The following XPNPEP2 variants were observed in gnomAD, a reference collection of about 807,000 sequenced individuals.
XPNPEP2 encodes xaa-Pro aminopeptidase 2.
Under a neutral mutation model 59.8 loss-of-function variants are expected in XPNPEP2, and 64 were observed. The observed-to-expected ratio is 1.07, with a 90% CI of 0.87 to 1.32. XPNPEP2 has a LOEUF of 1.32. Ranked by LOEUF, XPNPEP2 falls within the 40% of genes most tolerant of loss-of-function variation. The pLI is 0.00. For missense variants in XPNPEP2, 575 were observed against 546.8 expected, an observed-to-expected ratio of 1.05 and a Z score of -0.51; for synonymous variants, 235 against 210.0, an observed-to-expected ratio of 1.12 and a Z score of -1.03.
At chrX:129,742,979 C>T (rs1408706340) in intron 2 of XPNPEP2, among the ~76,000 whole-genome samples, 3 of 111,664 alleles carry the variant, frequency 2.7e-5, no homozygotes, top group Non-Finnish European at 3.8e-5. Flanking sequence ...GGTGTGCAGA[C>T]GAGGAAAAGG....
intron 19 of XPNPEP2, among the ~76,000 whole-genome samples, chrX:129,766,512 C>CTT (rs1199540070): frequency 4.9e-5 from 5 of 103,017 alleles, no homozygotes; most frequent in African/African-American, 1.0e-4. Flanking sequence ...CACCTGGCCT[C>CTT]TTTTTTTTTT....
chrX:129,747,701 G>T lies in XPNPEP2; in HGVS notation c.585G>T (p.Glu195Asp). The change falls in exon 7 of 21, where the codon GAG becomes GAT. Residue 195 changes from glutamate (E) to aspartate (D), a missense_variant. By Grantham distance (45) the Glu-to-Asp change is conservative. Transcript: ENST00000371106. ...TNLVDLVWGS[E>D]RPPVPNQPIY... is the part of the protein sequence containing the mutation. ...TTGTGGACCTGGTATGGGGATCAGA[G>T]AGGCCACCGGTTCCAAATCAACCCA... 1 of 1,212,066 alleles carries T rather than the reference G, an allele frequency of 8.3e-7. No homozygotes were observed. The highest frequency in any genetic ancestry group is 2.2e-5 in the Admixed American group (1 of 46,100).
At chrX:129,742,287 C>T (rs1926206557) in intron 2 of XPNPEP2, 106 bp downstream of exon 2, 1 of 421,484 alleles carries the variant, frequency 2.4e-6, no homozygotes, top group Non-Finnish European at 4.1e-6. Context: ...GCTCTATCAT[C>T]TTCTCTATCC....
At position 129,747,736 on chromosome X, in the gene XPNPEP2, T is replaced by G. The variant is rs1926327681; in HGVS notation, c.620T>G (p.Leu207Arg). The stretch of plus-strand genomic sequence containing the variant: ...GTTCCAAATCAACCCATTTATGCCC[T>G]GCAGGAGGCATTCACAGGTGATTCA... ...PPVPNQPIYALQEAFTGSTWQ... is the reference protein window; with the variant it reads ...PPVPNQPIYARQEAFTGSTWQ... Residue 207 changes from leucine (L) to arginine (R), a missense_variant, in exon 7 of 21, where the codon CTG becomes CGG. Coordinates refer to ENST00000371106, the MANE Select transcript of XPNPEP2 (RefSeq NM_003399.6). 8.2e-7 allele frequency: 1 copy of G among 1,212,174 alleles called. No individual in the cohort carries two copies. The highest frequency in any genetic ancestry group is 1.1e-6 in the Non-Finnish European group (1 of 895,621).
intron 13 of XPNPEP2, among the ~76,000 whole-genome samples, chrX:129,756,101 G>A (rs73563563): frequency 0.025 from 2,810 of 112,520 alleles, 108 homozygotes; most frequent in African/African-American, 0.085. Context: ...GAGCATCTGG[G>A]TAGAGGCCCA....
intron 6 of XPNPEP2, 69 bp from the exon 7 acceptor site, chrX:129,747,538 G>A (rs73225586): frequency 0.04 from 47,121 of 1,182,353 alleles, 796 homozygotes; most frequent in Admixed American, 0.11. Context: ...GACTAACTTT[G>A]CCTGAATCAC....
chrX:129,751,546 GAAA>G (rs1926400704), intron 8 of XPNPEP2, among the ~76,000 whole-genome samples, 196 bp from the exon 9 acceptor site: 1 of 36,373 alleles, frequency 2.7e-5, no homozygotes, highest in Non-Finnish European at 4.8e-5. Flanking sequence ...AAGAAAGAAA[GAAA>G]GAAAGAAAGA....
chrX:129,742,246 A>G lies in XPNPEP2; in HGVS notation c.123+65A>G, dbSNP rs768309626. ...CCACGCACCCCCCCACCCCTGCCCCACGCACCCCTGCACCGCAGCACCCCC... is the reference window on the plus strand; with the variant it reads ...CCACGCACCCCCCCACCCCTGCCCCGCGCACCCCTGCACCGCAGCACCCCC... On this transcript the variant is annotated intron_variant, in intron 2 of 20. Coordinates refer to ENST00000371106, the MANE Select transcript of XPNPEP2 (RefSeq NM_003399.6). The G allele has an allele frequency of 6.0e-3, 2,866 of 480,837 alleles. 73 individuals are homozygous for G. The African/African-American group carries it at 0.097, about 16-fold the overall frequency. The allele number at this position is 480,837 out of a possible 1,213,427, so 39.6% of individuals were successfully genotyped here. A position where few individuals can be genotyped will look rare whatever the true frequency, so the allele number is the denominator to read the frequency against.
rs1320412013 is a variant in XPNPEP2, at chrX:129,751,080, C to T, written c.739+511C>T. Among the ~76,000 whole-genome samples the T allele has an allele frequency of 4.9e-5, 5 of 102,360 alleles. No homozygotes were observed. The East Asian group carries it at 1.2e-3, about 25-fold the overall frequency. 88.9% of individuals were successfully genotyped at this position (102,360 alleles called of 115,157 possible). On this transcript the variant is annotated intron_variant, in intron 8 of 20. Transcript: ENST00000371106. The stretch of plus-strand genomic sequence containing the variant: ...GGAAAAGATCCATAACTCTCAACAG[C>T]ATCTCAAAGACGCCCACTCCCCCAC...
Position 129,756,551 on chromosome X carries a change from T to C in XPNPEP2, c.1363T>C (p.Tyr455His). 8.3e-7 allele frequency: 1 copy of C among 1,210,121 alleles called. No individual in the cohort carries two copies. The highest frequency in any genetic ancestry group is 1.1e-6 in the Non-Finnish European group (1 of 894,176). ...GTACCTGCTGGACTCTGGGGGGCAG[T>C]ACTGGTATGTACCCCGACCTCACCC... is the stretch of plus-strand genomic sequence containing the variant. ...EMYLLDSGGQ[Y>H]WDGTTDITRT... Residue 455 changes from tyrosine (Y) to histidine (H), a missense_variant, in exon 14 of 21, where the codon TAC becomes CAC. By Grantham distance (83) the Tyr-to-His change is moderately conservative. Coordinates refer to ENST00000371106, the MANE Select transcript of XPNPEP2 (RefSeq NM_003399.6).
At chrX:129,742,272 G>A (rs945044893) in intron 2 of XPNPEP2, 91 bp downstream of exon 2, 15 of 427,622 alleles carry the variant, frequency 3.5e-5, no homozygotes, top group Admixed American at 7.8e-5. Context: ...CAGCACCCCC[G>A]CCCTGCTCTA....
At chrX:129,747,109 G>A (rs1224016489) in intron 6 of XPNPEP2, among the ~76,000 whole-genome samples, 1 of 110,776 alleles carries the variant, frequency 9.0e-6, no homozygotes, top group Non-Finnish European at 1.9e-5. Flanking sequence ...AAAAAAAAAA[G>A]GGCCCCTGAG....
chrX:129,740,837 G>A (rs1397825397), intron 1 of XPNPEP2, among the ~76,000 whole-genome samples: 1 of 107,734 alleles, frequency 9.3e-6, no homozygotes, highest in African/African-American at 3.4e-5. Flanking sequence ...AGCTACTTGG[G>A]AGGCTGAGGC....
intron 1 of XPNPEP2, among the ~76,000 whole-genome samples, chrX:129,741,400 C>T (rs1926178778): frequency 8.9e-6 from 1 of 112,239 alleles, no homozygotes; most frequent in South Asian, 3.7e-4. Flanking sequence ...AGACAAGTTA[C>T]CAAATCTATC....
At position 129,746,628 on chromosome X, in the gene XPNPEP2, C is replaced by T. The variant is rs368386840; in HGVS notation, c.437C>T (p.Thr146Ile). ...ACTCCTATTGTCACCTGGCTCCTCA[C>T]CGAGATTCCTGCTGGAGGGCGTGTG... Reference protein sequence around the residue: ...GTTPIVTWLLTEIPAGGRVGF... With the variant: ...GTTPIVTWLLIEIPAGGRVGF... The change falls in exon 6 of 21, where the codon ACC becomes ATC. Residue 146 changes from threonine to isoleucine, a missense_variant. Coordinates refer to ENST00000371106, the MANE Select transcript of XPNPEP2 (RefSeq NM_003399.6). 1.7e-6 allele frequency: 2 copies of T among 1,211,090 alleles called. No homozygotes were observed. The highest frequency in any genetic ancestry group is 2.2e-6 in the Non-Finnish European group (2 of 895,261).
At chrX:129,765,395 G>A (rs1249886867) in intron 19 of XPNPEP2, among the ~76,000 whole-genome samples, 1 of 111,204 alleles carries the variant, frequency 9.0e-6, no homozygotes, top group East Asian at 2.8e-4. Context: ...TCTGGCGTAG[G>A]GATTTCCAAG....
At chrX:129,754,413 C>A (rs1318505119) in intron 11 of XPNPEP2, 59 bp from the exon 12 acceptor site, 43 of 1,041,151 alleles carry the variant, frequency 4.1e-5, no homozygotes, top group Non-Finnish European at 5.0e-5. Flanking sequence ...CATCTTGGAG[C>A]CTGTGGCTGC....
chrX:129,754,941 C>T (rs896586876), intron 12 of XPNPEP2, among the ~76,000 whole-genome samples: 17 of 111,579 alleles, frequency 1.5e-4, no homozygotes, highest in African/African-American at 5.2e-4. Context: ...GGAGGATTCC[C>T]GAAGGCATGC....
At chrX:129,751,968 C>T in intron 9 of XPNPEP2, 142 bp downstream of exon 9, 3 of 806,210 alleles carry the variant, frequency 3.7e-6, no homozygotes, top group South Asian at 2.4e-5. Flanking sequence ...CTTTAGAAAA[C>T]CCCCTGTTGT....
Sources: gnomAD v4.1 joint callset for allele counts (sites outside exome capture counted in the v4.1 genomes callset) on GRCh38, gnomAD v4.1.1 for gene constraint, MANE v1.5 for transcripts, NCBI Gene and HGNC (gene_info 2026-07-23, HGNC 2026-07-21) for gene names.